LCOR: variants seen among roughly 807,000 people sequenced by gnomAD.
LCOR encodes the protein ligand-dependent corepressor.
LCOR carries 14 observed loss-of-function variants against 64.4 expected under a neutral mutation model. The observed-to-expected ratio is 0.22, with a 90% CI of 0.14 to 0.34. The LOEUF (loss-of-function observed/expected upper bound fraction) is 0.34, where lower values mean the gene tolerates loss of function less well. Among genes scored for constraint, LCOR ranks in the 10% least tolerant of loss-of-function variants. The pLI, the probability that LCOR is intolerant of heterozygous loss-of-function variation, is 1.00. For missense variants in LCOR, 1,686 were observed against 1,765.3 expected (o/e 0.96, Z 0.80); for synonymous variants, 643 against 642.5 (o/e 1.00, Z -0.01).
chr10:96,909,073 C>T (rs975603939), intron 4 of LCOR, among the ~76,000 whole-genome samples: 10 of 152,160 alleles, frequency 6.6e-5, no homozygotes, highest in African/African-American at 2.4e-4. Context: ...CAGTTTTTCC[C>T]TCACAACGAA....
intron 2 of LCOR, among the ~76,000 whole-genome samples, chr10:96,861,111 T>C (rs945924168): frequency 2.0e-5 from 3 of 152,188 alleles, no homozygotes; most frequent in African/African-American, 7.2e-5. Flanking sequence ...GGTTTCTAAT[T>C]TATAGAAAGT....
At chr10:96,866,376 G>T (rs1029642274) in intron 2 of LCOR, among the ~76,000 whole-genome samples, 25 of 152,176 alleles carry the variant, frequency 1.6e-4, no homozygotes, top group Middle Eastern at 3.4e-3. Context: ...TCCTTGTACG[G>T]CTATACCTCA....
At chr10:96,903,733 A>G (rs1846682002) in intron 2 of LCOR, among the ~76,000 whole-genome samples, 1 of 152,090 alleles carries the variant, frequency 6.6e-6, no homozygotes, top group Admixed American at 6.5e-5. Flanking sequence ...ATTGTGATTT[A>G]GATTGAAGGG....
chr10:96,899,837 G>A (rs1368341876), intron 2 of LCOR, among the ~76,000 whole-genome samples: 1 of 152,056 alleles, frequency 6.6e-6, no homozygotes, highest in Non-Finnish European at 1.5e-5. Flanking sequence ...AGAATTACAA[G>A]GCTGGCTCTA....
At chr10:96,951,384 A>G (rs1186146737) in intron 6 of LCOR, among the ~76,000 whole-genome samples, 1 of 152,096 alleles carries the variant, frequency 6.6e-6, no homozygotes, top group East Asian at 1.9e-4. Context: ...TTCTTCACCA[A>G]TTTTTATTGT....
rs1002353017 is a variant in LCOR, at chr10:96,981,211, C to A, written c.751C>A (p.Pro251Thr). Residue 251 changes from proline to threonine, a missense_variant, in exon 8 of 8, where the codon CCA becomes ACA. Pro to Thr is a conservative substitution (Grantham distance 38, BLOSUM62 -1). Around this residue, in one of 3 missense-constraint regions of LCOR, gnomAD observed 313 missense variants for 247.2 expected, o/e 1.27. Transcript: ENST00000421806. ...TVVQKDSSEL[P>T]TTKSNSINSS... ...TGTCCAGAAAGATTCCTCTGAACTT[C>A]CAACCACTAAATCGAATTCTATTAA... The A allele has an allele frequency of 1.0e-5, 8 of 776,680 alleles. No individual in the cohort carries two copies. In the African/African-American group the frequency reaches 1.2e-4, roughly 12 times the overall value. The allele number at this position is 776,680 out of a possible 1,614,324, so 48.1% of individuals were successfully genotyped here.
Position 96,984,833 on chromosome 10 carries a change from A to G in LCOR, c.4373A>G (p.Lys1458Arg), listed in dbSNP as rs1848132882. ...ACGTCTTTGAAAGAGAATAAAGTGA[A>G]GATCCCTAAAAAGTCCGCTGGGAAG... ...KKTSLKENKV[K>R]IPKKSAGKSC... The change falls in exon 8 of 8, where the codon AAG (lysine) becomes AGG (arginine). Residue 1458 changes from lysine to arginine, a missense_variant. Coordinates refer to ENST00000421806, the MANE Select transcript of LCOR (RefSeq NM_001346516.2). 1 of 1,614,064 alleles carries G rather than the reference A, an allele frequency of 6.2e-7. No homozygotes were observed. Among genetic ancestry groups the G allele is most frequent in the African/African-American group, 1.3e-5 (1 of 74,934 alleles).
chr10:96,892,371 C>T (rs748231149), intron 2 of LCOR, among the ~76,000 whole-genome samples: 7 of 152,000 alleles, frequency 4.6e-5, no homozygotes, highest in Non-Finnish European at 1.0e-4. Context: ...GTCTTAATGC[C>T]TTTCTTAGTC....
chr10:96,863,808 T>G (rs1289839938), intron 2 of LCOR, among the ~76,000 whole-genome samples: 1 of 152,234 alleles, frequency 6.6e-6, no homozygotes, highest in Non-Finnish European at 1.5e-5. Context: ...ATTTTTGGTT[T>G]GATTTAGTAT....
At chr10:96,907,596 T>C in intron 3 of LCOR, 72 bp from the exon 4 acceptor site, 1 of 606,004 alleles carries the variant, frequency 1.7e-6, no homozygotes, top group South Asian at 7.2e-5. Flanking sequence ...AAACAATATT[T>C]TTGAAATTAA....
At chr10:96,833,141 T>C in intron 1 of LCOR, 1 of 985,014 alleles carries the variant, frequency 1.0e-6, no homozygotes, top group Non-Finnish European at 1.2e-6. Context: ...TTGTGTTCGG[T>C]GTCGTGCTGC....
chr10:96,952,640 G>A (rs1330451313), intron 7 of LCOR, among the ~76,000 whole-genome samples: 1 of 152,006 alleles, frequency 6.6e-6, no homozygotes. Context: ...CTGTACTTTG[G>A]CAGTTCAGAA....
At chr10:96,875,870 A>G (rs939696653) in intron 2 of LCOR, among the ~76,000 whole-genome samples, 4 of 152,132 alleles carry the variant, frequency 2.6e-5, no homozygotes, top group Non-Finnish European at 5.9e-5. Flanking sequence ...TGTCTCAGAA[A>G]AAAACAACAA....
intron 2 of LCOR, among the ~76,000 whole-genome samples, chr10:96,883,863 G>T (rs1846301615): frequency 6.6e-6 from 1 of 152,026 alleles, no homozygotes; most frequent in African/African-American, 2.4e-5. Context: ...GTACATATTT[G>T]TGGTGTCCAA....
At chr10:96,877,201 T>G (rs913005851) in intron 2 of LCOR, among the ~76,000 whole-genome samples, 1 of 151,874 alleles carries the variant, frequency 6.6e-6, no homozygotes, top group Non-Finnish European at 1.5e-5. Context: ...CTATATCAAA[T>G]CAACAAAAAT....
At chr10:96,912,745 A>C (rs1032637651) in intron 4 of LCOR, among the ~76,000 whole-genome samples, 1 of 150,904 alleles carries the variant, frequency 6.6e-6, no homozygotes, top group African/African-American at 2.4e-5. Flanking sequence ...CTAGTTTTTC[A>C]TGCACTAATT....
chr10:96,963,156 C>G (rs548675072), intron 7 of LCOR: 3 of 152,268 alleles, frequency 2.0e-5, no homozygotes, highest in Admixed American at 6.5e-5. Context: ...TAGTGGCATT[C>G]TATATATTCA....
intron 4 of LCOR, among the ~76,000 whole-genome samples, chr10:96,908,807 C>G (rs1487990771): frequency 1.3e-5 from 2 of 152,014 alleles, no homozygotes; most frequent in African/African-American, 4.8e-5. Context: ...GCTCCCCCCT[C>G]CGGGTTTACG....
intron 7 of LCOR, chr10:96,955,349 G>A (rs978414089): frequency 1.9e-6 from 3 of 1,614,106 alleles, no homozygotes; most frequent in South Asian, 1.1e-5. Context: ...ATGGAAAAAA[G>A]GATGTGAGCC....
Sources: allele counts gnomAD v4.1 joint callset (sites outside exome capture counted in the v4.1 genomes callset), GRCh38; gene constraint gnomAD v4.1.1; regional missense constraint gnomAD v4.1.1; transcripts MANE v1.5; gene names NCBI Gene and HGNC (gene_info 2026-07-23, HGNC 2026-07-21).